PCGF6: variants seen among roughly 807,000 people sequenced by gnomAD.
PCGF6 encodes the protein polycomb group ring finger 6.
In PCGF6, 24 loss-of-function variants were observed where a neutral mutation model predicts 45.5. That is an observed-to-expected ratio of 0.53 (90% CI 0.38 to 0.74). The LOEUF is 0.74. PCGF6 is among the 30% of genes least tolerant of loss of function. The probability of loss-of-function intolerance (pLI) is 0.00; values close to 1 mark genes in which losing one functional copy is unlikely to be tolerated. For synonymous variants in PCGF6, 152 were observed against 162.1 expected (o/e 0.94, Z 0.47); for missense variants, 356 against 443.2 (o/e 0.80, Z 1.77).
chr10:103,345,005 A>C lies in PCGF6; in HGVS notation c.782+19T>G, dbSNP rs774988597. On this transcript the variant is annotated intron_variant, in intron 6 of 9. Coordinates refer to ENST00000369847, the MANE Select transcript of PCGF6 (RefSeq NM_001011663.2). The stretch of plus-strand genomic sequence containing the variant: ...TTTAACATTCTTTAAGTTAAAAGGT[A>C]AATTTTTAGGGTACTCACCCAATGA... 2.0e-6 allele frequency: 3 copies of C among 1,498,762 alleles called. No homozygotes were observed. The highest frequency in any genetic ancestry group is 2.7e-6 in the Non-Finnish European group (3 of 1,095,004). The allele number at this position is 1,498,762 out of a possible 1,614,324, so 92.8% of individuals were successfully genotyped here.
At chr10:103,325,484 G>A (rs1305348363) in intron 8 of PCGF6, among the ~76,000 whole-genome samples, 2 of 152,006 alleles carry the variant, frequency 1.3e-5, no homozygotes, top group Non-Finnish European at 2.9e-5. Context: ...TCCTGACCTC[G>A]TGATCCACCC....
At chr10:103,329,067 T>C (rs527274722) in intron 7 of PCGF6, among the ~76,000 whole-genome samples, 1 of 134,690 alleles carries the variant, frequency 7.4e-6, no homozygotes, top group Non-Finnish European at 1.6e-5. Flanking sequence ...TGAGATGGAG[T>C]CTCGCTCTGT....
chr10:103,309,109 T>C (rs2093147710), intron 9 of PCGF6, among the ~76,000 whole-genome samples: 1 of 151,806 alleles, frequency 6.6e-6, no homozygotes, highest in Non-Finnish European at 1.5e-5. Context: ...TATGGAATTT[T>C]GAGTTAATGC....
intron 9 of PCGF6, among the ~76,000 whole-genome samples, chr10:103,310,511 A>G (rs1040960024): frequency 1.1e-4 from 16 of 152,102 alleles, no homozygotes; most frequent in Non-Finnish European, 2.4e-4. Context: ...ACATATAACT[A>G]TGCATATGTG....
At chr10:103,304,286 G>A (rs578181713) in intron 9 of PCGF6, among the ~76,000 whole-genome samples, 17 of 151,600 alleles carry the variant, frequency 1.1e-4, no homozygotes, top group African/African-American at 3.9e-4. Flanking sequence ...ACAGGCACCC[G>A]CCACCATACT....
chr10:103,323,920 C>T (rs1013284165), intron 8 of PCGF6, among the ~76,000 whole-genome samples: 9 of 151,542 alleles, frequency 5.9e-5, no homozygotes, highest in African/African-American at 2.2e-4. Context: ...ATTTAACTAA[C>T]AATACAGTAT....
intron 7 of PCGF6, among the ~76,000 whole-genome samples, chr10:103,329,219 T>C (rs886600857): frequency 1.3e-5 from 2 of 151,706 alleles, no homozygotes; most frequent in African/African-American, 4.8e-5. Context: ...TTTGTATTTT[T>C]AGTAGAGATG....
chr10:103,312,084 C>CAA (rs1225426465), intron 9 of PCGF6, among the ~76,000 whole-genome samples: 1,104 of 46,742 alleles, frequency 0.024, 22 homozygotes, highest in Middle Eastern at 0.08. Context: ...ACTCTGTCTC[C>CAA]AAAAAAAAAA....
At chr10:103,326,738 G>A (rs1210211713) in intron 7 of PCGF6, 106 bp from the exon 8 acceptor site, 1 of 683,408 alleles carries the variant, frequency 1.5e-6, no homozygotes, top group Non-Finnish European at 2.2e-6. Context: ...AAATTTTATA[G>A]CGAAGATGAT....
chr10:103,319,154 A>C (rs1027958502), intron 8 of PCGF6, among the ~76,000 whole-genome samples: 18 of 152,148 alleles, frequency 1.2e-4, no homozygotes, highest in Non-Finnish European at 8.8e-5. Context: ...TTGATCATAC[A>C]TACTCTTCTT....
At chr10:103,307,465 A>T (rs766889295) in intron 9 of PCGF6, among the ~76,000 whole-genome samples, 35 of 152,064 alleles carry the variant, frequency 2.3e-4, no homozygotes, top group African/African-American at 7.5e-4. Flanking sequence ...AAAAAGAAAG[A>T]AAGTTTGTTT....
intron 5 of PCGF6, among the ~76,000 whole-genome samples, chr10:103,346,197 A>T (rs755281103): frequency 0.026 from 3,361 of 128,330 alleles, 63 homozygotes; most frequent in Middle Eastern, 0.044. Flanking sequence ...CATCTCATTT[A>T]AAAAAAAAAA....
At chr10:103,308,183 G>A (rs1236850825) in intron 9 of PCGF6, among the ~76,000 whole-genome samples, 2 of 152,130 alleles carry the variant, frequency 1.3e-5, no homozygotes, top group Non-Finnish European at 2.9e-5. Context: ...GCTGTGAGAA[G>A]AGGGCCACTG....
intron 8 of PCGF6, among the ~76,000 whole-genome samples, chr10:103,322,878 C>CAA (rs144007263): frequency 1.9e-5 from 2 of 106,100 alleles, no homozygotes; most frequent in African/African-American, 6.5e-5. Context: ...TCCTTGCCAC[C>CAA]AAAAAAAAAA....
intron 8 of PCGF6, among the ~76,000 whole-genome samples, chr10:103,325,186 T>TA (rs1322795011): frequency 2.0e-5 from 3 of 147,320 alleles, no homozygotes; most frequent in Non-Finnish European, 4.5e-5. Flanking sequence ...TAAAATAAAA[T>TA]AATAGGGTCC....
At chr10:103,318,442 CAA>C (rs1199374450) in intron 8 of PCGF6, among the ~76,000 whole-genome samples, 7 of 104,272 alleles carry the variant, frequency 6.7e-5, no homozygotes, top group Admixed American at 3.1e-4. Context: ...GACTCCATCT[CAA>C]AAAAAAAAAA....
In PCGF6 at chr10:103,314,278, G is replaced by A; in HGVS notation, c.910-6C>T. On this transcript the variant is annotated splice_polypyrimidine_tract_variant and splice_region_variant and intron_variant, in intron 8 of 9. Transcript: ENST00000369847. The stretch of plus-strand genomic sequence containing the variant: ...TCACCACAGATTATATCTACCTATG[G>A]ACATGAAGAGAGTATTAGATTGATT... 6.6e-7 allele frequency: 1 copy of A among 1,517,580 alleles called. No individual in the cohort carries two copies. The highest frequency in any genetic ancestry group is 9.1e-7 in the Non-Finnish European group (1 of 1,102,302). 94.0% of individuals were successfully genotyped at this position (1,517,580 alleles called of 1,614,324 possible). A position where few individuals can be genotyped will look rare whatever the true frequency, so the allele number is the denominator to read the frequency against.
chr10:103,306,593 C>A (rs1457933403), intron 9 of PCGF6, among the ~76,000 whole-genome samples: 6 of 152,162 alleles, frequency 3.9e-5, no homozygotes, highest in Non-Finnish European at 8.8e-5. Flanking sequence ...TTTTCCATGG[C>A]TCCACTTCCT....
At chr10:103,336,748 G>A (rs1306878204) in intron 6 of PCGF6, among the ~76,000 whole-genome samples, 1 of 152,110 alleles carries the variant, frequency 6.6e-6, no homozygotes, top group African/African-American at 2.4e-5. Flanking sequence ...GTTGGCACAT[G>A]CCTGTAATCC....
Sources: allele counts gnomAD v4.1 joint callset (sites outside exome capture counted in the v4.1 genomes callset), GRCh38; gene constraint gnomAD v4.1.1; transcripts MANE v1.5; gene names NCBI Gene and HGNC (gene_info 2026-07-23, HGNC 2026-07-21).